The following SLC22A5 variants were observed in gnomAD, a reference collection of about 807,000 sequenced individuals.
SLC22A5 encodes organic cation/carnitine transporter 2.
SLC22A5 carries 44 observed loss-of-function variants against 56.7 expected under a neutral mutation model. That is an observed-to-expected ratio of 0.78 (90% CI 0.61 to 1.00). The LOEUF is 1.00. Ranked by LOEUF, SLC22A5 falls within the 50% of genes least tolerant of loss-of-function variation. SLC22A5 has a pLI of 0.00. For missense variants in SLC22A5, 675 were observed against 723.0 expected (o/e 0.93, Z 0.76); for synonymous variants, 278 against 292.1 (o/e 0.95, Z 0.49).
In SLC22A5 at chr5:132,395,414, C is replaced by T. The variant is rs62385689; in HGVS notation, c.*1142C>T. 0.014 allele frequency: 2,094 copies of T among 152,850 alleles called. 26 individuals are homozygous for T. The highest frequency in any genetic ancestry group is 0.026 in the South Asian group (125 of 4,822). 9.5% of individuals were successfully genotyped at this position (152,850 alleles called of 1,614,324 possible). The stretch of plus-strand genomic sequence containing the variant: ...TTGTGTTCATAGTCTTTCAGAGTAG[C>T]TCACTTTAGTCCTGTAACTTTATTG... On this transcript the variant is annotated 3_prime_UTR_variant, in exon 10 of 10. Transcript: ENST00000245407.
chr5:132,372,896 C>A (rs1751988267), intron 1 of SLC22A5, among the ~76,000 whole-genome samples: 1 of 152,186 alleles, frequency 6.6e-6, no homozygotes, highest in Non-Finnish European at 1.5e-5. Context: ...CCCTCTGCCC[C>A]AAATCATACA....
intron 2 of SLC22A5, 71 bp from the exon 3 acceptor site, chr5:132,384,070 AGAAAGC>A: frequency 6.9e-7 from 1 of 1,450,942 alleles, no homozygotes; most frequent in Non-Finnish European, 9.7e-7. Flanking sequence ...ATGGATCTTG[AGAAAGC>A]CCCACTTGGT....
At position 132,370,299 on chromosome 5, in the gene SLC22A5, G is replaced by C. The variant is rs760680664; in HGVS notation, c.327G>C (p.Glu109Asp). The change falls in exon 1 of 10, where the codon GAG becomes GAC. Residue 109 changes from glutamate to aspartate, a missense_variant. Transcript: ENST00000245407. Reference protein sequence around the residue: ...PGRDVDLGQLEQESCLDGWEF... With the variant: ...PGRDVDLGQLDQESCLDGWEF... Reference sequence around the variant, plus strand: ...GCGACGTGGACCTGGGGCAGCTGGAGCAGGAGAGCTGTCTGGATGGCTGGG... The same window carrying C: ...GCGACGTGGACCTGGGGCAGCTGGACCAGGAGAGCTGTCTGGATGGCTGGG... 1.2e-6 allele frequency: 2 copies of C among 1,610,346 alleles called. No homozygotes were observed. The highest frequency in any genetic ancestry group is 8.5e-7 in the Non-Finnish European group (1 of 1,178,896).
intron 1 of SLC22A5, among the ~76,000 whole-genome samples, chr5:132,374,219 C>CA (rs149958810): frequency 0.2 from 27,264 of 139,386 alleles, 2,751 homozygotes; most frequent in South Asian, 0.38. Context: ...GACTCCGTCT[C>CA]AAAAAAAAAA....
At chr5:132,383,895 C>T in intron 2 of SLC22A5, 2 of 547,592 alleles carry the variant, frequency 3.7e-6, no homozygotes, top group Non-Finnish European at 6.6e-6. Flanking sequence ...CAGTCTCTTG[C>T]AATCATTATC....
intron 1 of SLC22A5, chr5:132,378,008 G>A (rs1193769417): frequency 9.8e-5 from 121 of 1,232,782 alleles, no homozygotes; most frequent in Non-Finnish European, 1.2e-4. Flanking sequence ...CATGCCAATG[G>A]CCTGAACCCC....
intron 1 of SLC22A5, among the ~76,000 whole-genome samples, chr5:132,375,262 A>G (rs1752098356): frequency 1.3e-5 from 2 of 152,222 alleles, no homozygotes; most frequent in African/African-American, 4.8e-5. Flanking sequence ...AGAGGATGTG[A>G]TAGCAAAGAT....
chr5:132,392,944 T>G (rs909582249), intron 8 of SLC22A5, among the ~76,000 whole-genome samples: 4 of 152,190 alleles, frequency 2.6e-5, no homozygotes, highest in African/African-American at 9.7e-5. Flanking sequence ...GTGTGCTTAG[T>G]TGGAGAAATT....
intron 1 of SLC22A5, chr5:132,376,578 C>CT (rs1752145499): frequency 2.0e-5 from 3 of 152,406 alleles, no homozygotes; most frequent in Admixed American, 2.0e-4. Flanking sequence ...CCAGAACTCA[C>CT]TGCAGAAGCC....
chr5:132,386,946 C>T, intron 4 of SLC22A5, 79 bp from the exon 5 acceptor site: 1 of 1,480,900 alleles, frequency 6.8e-7, no homozygotes, highest in Non-Finnish European at 9.4e-7. Flanking sequence ...CTTATTCCCA[C>T]CTATGGCTGT....
chr5:132,380,085 G>A (rs190507793), intron 2 of SLC22A5: 45 of 152,522 alleles, frequency 3.0e-4, no homozygotes, highest in African/African-American at 1.0e-3. Context: ...CCACAGGAGT[G>A]TCTAACAGAG....
At chr5:132,384,812 C>T (rs575650536) in intron 3 of SLC22A5, among the ~76,000 whole-genome samples, 1 of 152,290 alleles carries the variant, frequency 6.6e-6, no homozygotes, top group Admixed American at 6.5e-5. Context: ...ATTCAGAGTG[C>T]ACACTGCAGG....
intron 8 of SLC22A5, among the ~76,000 whole-genome samples, chr5:132,393,247 C>A (rs961614288): frequency 6.6e-6 from 1 of 152,108 alleles, no homozygotes; most frequent in African/African-American, 2.4e-5. Context: ...TCAAAGCAAG[C>A]AAAAGCACCC....
At chr5:132,373,035 A>G (rs1184554940) in intron 1 of SLC22A5, among the ~76,000 whole-genome samples, 6 of 152,126 alleles carry the variant, frequency 3.9e-5, no homozygotes, top group African/African-American at 1.4e-4. Flanking sequence ...TGTAGTACCA[A>G]ACTTTGTGGT....
chr5:132,376,692 T>G (rs1752151882), intron 1 of SLC22A5: 1 of 152,230 alleles, frequency 6.6e-6, no homozygotes, highest in Admixed American at 6.5e-5. Context: ...TTTTCATCTT[T>G]TCCACTATAA....
chr5:132,393,879 C>T lies in SLC22A5; in HGVS notation c.1586+68C>T. On this transcript the variant is annotated intron_variant, in intron 9 of 9. Transcript: ENST00000245407. ...GTCTGGCCAGGTCTCAGGAGCCCCT[C>T]ACAATAGAGCTACTCGCAAACTCCC... 7.0e-6 allele frequency: 11 copies of T among 1,565,180 alleles called. No homozygotes were observed. The South Asian group carries it at 1.1e-4, about 16-fold the overall frequency.
chr5:132,389,603 T>C (rs916333123), intron 6 of SLC22A5: 6 of 161,074 alleles, frequency 3.7e-5, no homozygotes, highest in African/African-American at 1.4e-4. Flanking sequence ...CGCTAGCTTT[T>C]GCTCAGCGGC....
intron 2 of SLC22A5, chr5:132,383,743 A>G (rs1330911966): frequency 1.5e-5 from 4 of 262,658 alleles, no homozygotes; most frequent in Non-Finnish European, 7.5e-6. Flanking sequence ...TTACAAAGGA[A>G]AATCAGGACA....
At chr5:132,375,090 A>C (rs973141745) in intron 1 of SLC22A5, among the ~76,000 whole-genome samples, 1 of 152,188 alleles carries the variant, frequency 6.6e-6, no homozygotes, top group Admixed American at 6.5e-5. Context: ...ATTGAAGTTC[A>C]GGAGTTCAGG....
Sources: gnomAD v4.1 joint callset for allele counts (sites outside exome capture counted in the v4.1 genomes callset) on GRCh38, gnomAD v4.1.1 for gene constraint, MANE v1.5 for transcripts, NCBI Gene and HGNC (gene_info 2026-07-23, HGNC 2026-07-21) for gene names.